Variants in CEL observed in about 807,000 individuals in gnomAD.
The protein encoded by CEL is carboxyl ester lipase, also known as bile salt-activated lipase.
A neutral mutation model predicts 57.1 loss-of-function variants in CEL; 39 were observed. That is an observed-to-expected ratio of 0.68 (90% confidence interval 0.53 to 0.89). The LOEUF is 0.89. Ranked by LOEUF, CEL falls within the 40% of genes least tolerant of loss-of-function variation. CEL has a pLI of 0.00. For missense variants in CEL, 698 were observed against 915.0 expected (o/e 0.76, Z 3.06); for synonymous variants, 314 against 396.6 (o/e 0.79, Z 2.48).
rs1402901926 is a variant in CEL, at chr9:133,071,190, C to G, written c.1688C>G (p.Thr563Arg). ...CAGGAGGCCACCCCTGTGCCCCCCACAGGGGACTCCGAGGCCACTCCCGTG... is the reference window on the plus strand; with the variant it reads ...CAGGAGGCCACCCCTGTGCCCCCCAGAGGGGACTCCGAGGCCACTCCCGTG... ...TDQEATPVPP[T>R]GDSEATPVPP... is the part of the protein sequence containing the mutation. The change falls in exon 11 of 11, where the codon ACA (threonine) becomes AGA (arginine). Residue 563 changes from threonine to arginine, a missense_variant. Around this residue, in one of 6 missense-constraint regions of CEL, gnomAD observed 238 missense variants for 213.7 expected, o/e 1.11. Coordinates refer to ENST00000372080, the MANE Select transcript of CEL (RefSeq NM_001807.6). 6.2e-7 allele frequency: 1 copy of G among 1,605,802 alleles called. No individual in the cohort carries two copies. The highest frequency in any genetic ancestry group is 1.1e-5 in the South Asian group (1 of 90,950).
intron 7 of CEL, 83 bp from the exon 8 acceptor site, chr9:133,068,589 A>G (rs1830217231): frequency 1.3e-6 from 2 of 1,597,672 alleles, no homozygotes; most frequent in East Asian, 2.3e-5. Context: ...GACATAGCCA[A>G]TTCCAGCCCT....
At chr9:133,064,940 C>T in intron 3 of CEL, 100 bp from the exon 4 acceptor site, 1 of 1,556,078 alleles carries the variant, frequency 6.4e-7, no homozygotes, top group Non-Finnish European at 8.8e-7. Context: ...GGAGCACCTC[C>T]CTGTCTTGGC....
At chr9:133,064,875 G>A in intron 3 of CEL, 113 bp downstream of exon 3, 1 of 1,569,246 alleles carries the variant, frequency 6.4e-7, no homozygotes, top group Non-Finnish European at 8.7e-7. Flanking sequence ...ATCCCACAGA[G>A]GCGGGGAGGG....
At chr9:133,067,043 T>G (rs1483680763) in intron 6 of CEL, 45 bp from the exon 7 acceptor site, 2 of 1,608,412 alleles carry the variant, frequency 1.2e-6, no homozygotes, top group African/African-American at 2.7e-5. Context: ...TTCTGAGCCC[T>G]GAGCTCCGGC....
intron 7 of CEL, among the ~76,000 whole-genome samples, chr9:133,067,408 C>G (rs1463262341): frequency 2.6e-5 from 4 of 152,052 alleles, no homozygotes; most frequent in Non-Finnish European, 5.9e-5. Context: ...TGGAGTCTCA[C>G]TGTTGCCCAG....
chr9:133,064,227 A>G (rs747685184), intron 1 of CEL, among the ~76,000 whole-genome samples, 177 bp from the exon 2 acceptor site: 1 of 152,182 alleles, frequency 6.6e-6, no homozygotes, highest in Non-Finnish European at 1.5e-5. Context: ...AGGAACAGGA[A>G]TCCTAAAGCC....
Position 133,064,786 on chromosome 9 carries a change from A to G in CEL, c.340+24A>G, listed in dbSNP as rs201067716. 45 of 1,613,640 alleles carry G rather than the reference A, an allele frequency of 2.8e-5. No homozygotes were observed. In the East Asian group the frequency reaches 9.8e-4, roughly 35 times the overall value. ...AGGTCTGCCTCCCCTCTACTCCCCA[A>G]GGGACCCTCCCATGCAGCCACTGCC... On this transcript the variant is annotated intron_variant, in intron 3 of 10. Coordinates refer to ENST00000372080, the MANE Select transcript of CEL (RefSeq NM_001807.6).
In CEL at chr9:133,065,156, C is replaced by A. The variant is rs760045122; in HGVS notation, c.457C>A (p.Arg153Ser). ...YLYDGEEIAT[R>S]GNVIVVTFNY... is the part of the protein sequence containing the mutation. ...GTATGACGGCGAGGAGATCGCCACACGCGGAAACGTCATCGTGGTCACCTT... is the reference window on the plus strand; with the variant it reads ...GTATGACGGCGAGGAGATCGCCACAAGCGGAAACGTCATCGTGGTCACCTT... The change falls in exon 4 of 11, where the codon CGC becomes AGC. Residue 153 changes from arginine (R) to serine (S), a missense_variant. Coordinates refer to ENST00000372080, the MANE Select transcript of CEL (RefSeq NM_001807.6). 1.9e-6 allele frequency: 3 copies of A among 1,613,846 alleles called. No individual in the cohort carries two copies.
At chr9:133,064,326 G>A (rs1830138543) in intron 1 of CEL, 78 bp from the exon 2 acceptor site, 3 of 1,597,004 alleles carry the variant, frequency 1.9e-6, no homozygotes, top group Non-Finnish European at 2.6e-6. Flanking sequence ...GGCACGCGGA[G>A]TCGGCTTGCC....
At chr9:133,062,737 G>A (rs1221460385) in intron 1 of CEL, among the ~76,000 whole-genome samples, 1 of 150,514 alleles carries the variant, frequency 6.6e-6, no homozygotes, top group Non-Finnish European at 1.5e-5. Context: ...TACAGAAGGG[G>A]AAACGGGCCC....
intron 6 of CEL, 69 bp downstream of exon 6, chr9:133,067,014 C>T: frequency 6.2e-7 from 1 of 1,604,758 alleles, no homozygotes; most frequent in Non-Finnish European, 8.5e-7. Context: ...TCCTGGACCC[C>T]ATCCTTGCCT....
rs913651471 is a variant in CEL, at chr9:133,066,438, G to T, written c.539-92G>T. 21 of 1,537,534 alleles carry T rather than the reference G, an allele frequency of 1.4e-5. No individual in the cohort carries two copies. The Admixed American group carries it at 2.2e-4, about 16-fold the overall frequency. ...CTGCCATGGCCCCAACTCTGTTGAG[G>T]GCATTTCCACCCCACCTATGCTGAT... On this transcript the variant is annotated intron_variant, in intron 4 of 10. Coordinates refer to ENST00000372080, the MANE Select transcript of CEL (RefSeq NM_001807.6). The surrounding 1 kb of genome is among the most constrained non-coding windows in gnomAD (Gnocchi z 4.3).
At chr9:133,068,928 G>C in intron 8 of CEL, 70 bp downstream of exon 8, 2 of 829,548 alleles carry the variant, frequency 2.4e-6, no homozygotes, top group Admixed American at 2.1e-5. Flanking sequence ...TGGCGAGGGG[G>C]CCAGCCTGGA....
intron 7 of CEL, 82 bp downstream of exon 7, chr9:133,067,287 G>C (rs1315461324): frequency 1.2e-5 from 16 of 1,280,226 alleles, no homozygotes; most frequent in Non-Finnish European, 1.8e-5. Flanking sequence ...CCGGAGGAGA[G>C]AGGAAGGTGC....
intron 1 of CEL, among the ~76,000 whole-genome samples, chr9:133,063,894 A>C (rs997635515): frequency 2.6e-5 from 4 of 152,146 alleles, no homozygotes; most frequent in Non-Finnish European, 4.4e-5. Flanking sequence ...GGCCCTGTGC[A>C]GGGAGATGGG....
rs1461503581 is a variant in CEL at position 133,071,356 on chromosome 9, G to A, written c.1854G>A (p.Thr618=). Residue 618 remains threonine, a synonymous_variant, in exon 11 of 11, where the codon ACG becomes ACA. Transcript: ENST00000372080. ...CCGGGGCCCCCCCCGTGCCGCCCAC[G>A]GGTGACTCCGGGGCCCCCCCCGTGC... ...GDSGAPPVPP[T]GDSGAPPVPP... is the part of the protein sequence containing the mutation. 21 of 146,204 alleles carry A rather than the reference G, an allele frequency of 1.4e-4. No homozygotes were observed. Among genetic ancestry groups the A allele is most frequent in the Non-Finnish European group, 2.1e-4 (18 of 85,860 alleles). 9.1% of individuals were successfully genotyped at this position (146,204 alleles called of 1,614,324 possible). A position where few individuals can be genotyped will look rare whatever the true frequency, so the allele number is the denominator to read the frequency against.
intron 6 of CEL, 68 bp downstream of exon 6, chr9:133,067,013 C>T: frequency 1.2e-6 from 2 of 1,604,504 alleles, no homozygotes; most frequent in South Asian, 2.2e-5. Context: ...ATCCTGGACC[C>T]CATCCTTGCC....
At position 133,066,426 on chromosome 9, in the gene CEL, A is replaced by G; in HGVS notation, c.539-104A>G. ...CCAACTGGGGCTCTGCCATGGCCCC[A>G]ACTCTGTTGAGGGCATTTCCACCCC... On this transcript the variant is annotated intron_variant, in intron 4 of 10. Transcript: ENST00000372080. This position sits in a 1 kb window ranked among gnomAD's most constrained non-coding sequence, Gnocchi z 4.3. The G allele has an allele frequency of 2.7e-6, 4 of 1,461,920 alleles. No individual in the cohort carries two copies. The South Asian group carries it at 4.6e-5, about 17-fold the overall frequency. The allele number at this position is 1,461,920 out of a possible 1,614,324, so 90.6% of individuals were successfully genotyped here. A position where few individuals can be genotyped will look rare whatever the true frequency, so the allele number is the denominator to read the frequency against.
In CEL at chr9:133,066,110, A is replaced by G. The variant is rs1182110740; in HGVS notation, c.539-420A>G. Among the ~76,000 whole-genome samples the G allele has an allele frequency of 4.6e-5, 7 of 152,142 alleles. No individual in the cohort carries two copies. The highest frequency in any genetic ancestry group is 4.6e-4 in the Admixed American group (7 of 15,280). On this transcript the variant is annotated intron_variant, in intron 4 of 10. Transcript: ENST00000372080. The surrounding 1 kb of genome is among the most constrained non-coding windows in gnomAD (Gnocchi z 4.3). ...CAGAGCTGAGTGAGAGACAGAGAAC[A>G]ATACCTTGAGGCAGAGACAGCTGTG...
Sources: allele counts gnomAD v4.1 joint callset (sites outside exome capture counted in the v4.1 genomes callset), GRCh38; gene constraint gnomAD v4.1.1; regional missense constraint gnomAD v4.1.1; non-coding constraint Gnocchi (gnomAD v3.1); transcripts MANE v1.5; gene names NCBI Gene and HGNC (gene_info 2026-07-23, HGNC 2026-07-21).